OR1J2: variants seen among roughly 807,000 people sequenced by gnomAD.
OR1J2 encodes olfactory receptor family 1 subfamily J member 2, also known as olfactory receptor 1J2.
For missense variants in OR1J2, 304 were observed against 246.1 expected (o/e 1.24, Z -1.57); for synonymous variants, 142 against 99.7 (o/e 1.42, Z -2.52).
the OR1J2 span, among the ~76,000 whole-genome samples, chr9:122,488,874 C>T: frequency 7.3e-6 from 1 of 136,090 alleles, no homozygotes; most frequent in South Asian, 2.4e-4. Flanking sequence ...ATTTATTATA[C>T]TCTAAGTTCT....
At chr9:122,541,362 G>A in the OR1J2 span, among the ~76,000 whole-genome samples, 19 of 152,144 alleles carry the variant, frequency 1.2e-4, no homozygotes, top group African/African-American at 4.3e-4. Flanking sequence ...CTCGACTTGA[G>A]AGTGAAAGGG....
upstream of OR1J2, chr9:122,510,768 A>G (rs759883900): frequency 1.7e-5 from 20 of 1,187,874 alleles, no homozygotes; most frequent in Non-Finnish European, 2.3e-5. Flanking sequence ...AATATTCTCA[A>G]GCATTCTTCA....
the OR1J2 span, chr9:122,527,037 C>G: frequency 6.2e-7 from 1 of 1,614,116 alleles, no homozygotes; most frequent in East Asian, 2.2e-5. Flanking sequence ...GGTGTGATGC[C>G]GAGTCTGTAT....
the OR1J2 span, chr9:122,526,492 T>A: frequency 2.7e-5 from 43 of 1,579,562 alleles, no homozygotes; most frequent in Admixed American, 5.3e-5. Context: ...GCAATGTCCT[T>A]CTCTTCAGAG....
chr9:122,453,596 T>C, the OR1J2 span, among the ~76,000 whole-genome samples: 1 of 152,192 alleles, frequency 6.6e-6, no homozygotes. Context: ...CAGGGGCTGT[T>C]CAGTTCAAGT....
chr9:122,519,933 A>G, the OR1J2 span: 8 of 1,614,012 alleles, frequency 5.0e-6, no homozygotes, highest in South Asian at 2.2e-5. Context: ...CCCCTCATCC[A>G]GTGCCTCCAG....
the OR1J2 span, among the ~76,000 whole-genome samples, chr9:122,566,007 T>C: frequency 6.6e-6 from 1 of 152,136 alleles, no homozygotes; most frequent in East Asian, 1.9e-4. Context: ...CTATGGAGTA[T>C]GATCCAATGA....
At chr9:122,485,736 T>C in the OR1J2 span, among the ~76,000 whole-genome samples, 2 of 152,156 alleles carry the variant, frequency 1.3e-5, no homozygotes, top group Non-Finnish European at 2.9e-5. Flanking sequence ...GCAGAACAAA[T>C]GCACTGGCTT....
chr9:122,473,065 A>G, the OR1J2 span, among the ~76,000 whole-genome samples: 1 of 152,090 alleles, frequency 6.6e-6, no homozygotes, highest in Non-Finnish European at 1.5e-5. Flanking sequence ...ACTTTATCTT[A>G]TCCATTTCTT....
At chr9:122,517,088 T>G in the OR1J2 span, among the ~76,000 whole-genome samples, 7 of 152,326 alleles carry the variant, frequency 4.6e-5, no homozygotes, top group Admixed American at 4.6e-4. Context: ...TTCTCATGAC[T>G]TAGGCTCATA....
chr9:122,514,896 G>T (rs1828678352), downstream of OR1J2, among the ~76,000 whole-genome samples: 1 of 152,020 alleles, frequency 6.6e-6, no homozygotes, highest in Non-Finnish European at 1.5e-5. Context: ...GAATTTTCTG[G>T]CCCCAGATCT....
At chr9:122,474,530 CAA>C in the OR1J2 span, among the ~76,000 whole-genome samples, 1 of 152,098 alleles carries the variant, frequency 6.6e-6, no homozygotes, top group African/African-American at 2.4e-5. Flanking sequence ...AAATCATTAT[CAA>C]AAGAGGGAAA....
downstream of OR1J2, among the ~76,000 whole-genome samples, chr9:122,515,666 C>A (rs1828690700): frequency 6.6e-6 from 1 of 152,148 alleles, no homozygotes; most frequent in South Asian, 2.1e-4. Flanking sequence ...TCTAATATTT[C>A]TTTCCAAAGT....
the OR1J2 span, among the ~76,000 whole-genome samples, chr9:122,490,711 A>G: frequency 6.6e-6 from 1 of 152,188 alleles, no homozygotes; most frequent in Non-Finnish European, 1.5e-5. Context: ...TAAAATGTAC[A>G]CTTGAACAGG....
the OR1J2 span, among the ~76,000 whole-genome samples, chr9:122,546,366 G>GA: frequency 6.6e-6 from 1 of 152,146 alleles, no homozygotes; most frequent in African/African-American, 2.4e-5. Flanking sequence ...AGAAGGCAGT[G>GA]AAAGTGAGAT....
the OR1J2 span, among the ~76,000 whole-genome samples, chr9:122,571,547 CAA>C: frequency 0.18 from 22,835 of 126,724 alleles, 2,288 homozygotes; most frequent in African/African-American, 0.29. Flanking sequence ...CAGACTGTCT[CAA>C]AAAAAAAAAA....
the OR1J2 span, among the ~76,000 whole-genome samples, chr9:122,504,631 C>G: frequency 6.6e-6 from 1 of 152,000 alleles, no homozygotes; most frequent in South Asian, 2.1e-4. Context: ...ACTTTAAGTC[C>G]CCTTGTGACC....
At chr9:122,518,874 C>A in the OR1J2 span, among the ~76,000 whole-genome samples, 1 of 152,196 alleles carries the variant, frequency 6.6e-6, no homozygotes, top group East Asian at 1.9e-4. Flanking sequence ...TCTGCTAATA[C>A]GGTGTGAAGC....
At chr9:122,451,769 A>G in the OR1J2 span, among the ~76,000 whole-genome samples, 1 of 152,060 alleles carries the variant, frequency 6.6e-6, no homozygotes, top group Non-Finnish European at 1.5e-5. Context: ...CAAAAATACC[A>G]TTTTCTCATA....
Sources: allele counts gnomAD v4.1 joint callset (sites outside exome capture counted in the v4.1 genomes callset), GRCh38; gene constraint gnomAD v4.1.1; transcripts MANE v1.5; gene names NCBI Gene and HGNC (gene_info 2026-07-23, HGNC 2026-07-21).